Variants in PTPRM observed in about 807,000 individuals in gnomAD.
PTPRM encodes protein tyrosine phosphatase receptor type M, also known as receptor-type tyrosine-protein phosphatase mu.
In PTPRM, 47 loss-of-function variants were observed where a neutral mutation model predicts 186.7. The ratio of observed to expected loss-of-function variants is 0.25; its 90% CI spans 0.20 to 0.32. The LOEUF is 0.32. PTPRM is among the 10% of genes least tolerant of loss of function. The probability of loss-of-function intolerance (pLI) is 1.00; values close to 1 mark genes in which losing one functional copy is unlikely to be tolerated. For synonymous variants in PTPRM, 668 were observed against 674.9 expected (o/e 0.99, Z 0.16); for missense variants, 1,494 against 1,865.0 (o/e 0.80, Z 3.66).
chr18:8,189,513 G>C (rs1044628646), intron 14 of PTPRM, among the ~76,000 whole-genome samples: 34 of 152,134 alleles, frequency 2.2e-4, no homozygotes, highest in African/African-American at 8.0e-4. Flanking sequence ...AGCCTATTTT[G>C]TTTTATCCTC....
intron 7 of PTPRM, among the ~76,000 whole-genome samples, chr18:7,983,472 C>T (rs2082668937): frequency 6.6e-6 from 1 of 152,080 alleles, no homozygotes; most frequent in African/African-American, 2.4e-5. Flanking sequence ...GAGTCTTTGC[C>T]CTGCCCCTGT....
intron 14 of PTPRM, among the ~76,000 whole-genome samples, chr18:8,219,735 T>G (rs546461345): frequency 1.3e-5 from 2 of 152,278 alleles, no homozygotes; most frequent in African/African-American, 4.8e-5. Flanking sequence ...GAACAAAACT[T>G]GGTCTAAAAA....
chr18:7,926,607 T>C lies in PTPRM; in HGVS notation c.587T>C (p.Val196Ala). Residue 196 changes from valine to alanine, a missense_variant, in exon 5 of 33, where the codon GTT becomes GCT. This residue lies in a region of PTPRM where 296 missense variants were observed against 345.5 expected (regional missense o/e 0.86). Transcript: ENST00000580170. ...PHFLRIQNVE[V>A]NAGQFATFQC... Reference sequence around the variant, plus strand: ...TTCCTGCGGATTCAGAATGTGGAAGTTAATGCTGGCCAGTTTGCTACCTTC... The same window carrying C: ...TTCCTGCGGATTCAGAATGTGGAAGCTAATGCTGGCCAGTTTGCTACCTTC... 6.2e-7 allele frequency: 1 copy of C among 1,613,692 alleles called. No homozygotes were observed. Among genetic ancestry groups the C allele is most frequent in the Non-Finnish European group, 8.5e-7 (1 of 1,179,944 alleles).
intron 7 of PTPRM, among the ~76,000 whole-genome samples, chr18:8,065,483 C>G (rs977534949): frequency 2.0e-5 from 3 of 152,154 alleles, no homozygotes; most frequent in Admixed American, 6.5e-5. Flanking sequence ...ACAGCCAGTG[C>G]ACTTCTCCAT....
intron 1 of PTPRM, among the ~76,000 whole-genome samples, chr18:7,576,477 A>AT (rs796372811): frequency 3.6e-4 from 55 of 151,148 alleles, no homozygotes; most frequent in Middle Eastern, 3.4e-3. Flanking sequence ...TGTTTTTTTG[A>AT]TTTTTTTTTC....
chr18:8,339,155 T>C (rs2095458373), intron 22 of PTPRM, among the ~76,000 whole-genome samples: 1 of 152,030 alleles, frequency 6.6e-6, no homozygotes, highest in South Asian at 2.1e-4. Flanking sequence ...TTTCATTGCT[T>C]GTTAAAGGTT....
intron 20 of PTPRM, among the ~76,000 whole-genome samples, chr18:8,301,861 T>A (rs1216228523): frequency 6.6e-6 from 1 of 152,154 alleles, no homozygotes; most frequent in African/African-American, 2.4e-5. Flanking sequence ...TTTTAGACTG[T>A]GGTCAAGAAA....
chr18:8,203,231 A>G (rs892209646), intron 14 of PTPRM, among the ~76,000 whole-genome samples: 2 of 152,196 alleles, frequency 1.3e-5, no homozygotes, highest in Non-Finnish European at 2.9e-5. Flanking sequence ...TGTAACTGGT[A>G]TTGTATACAT....
intron 2 of PTPRM, among the ~76,000 whole-genome samples, chr18:7,812,094 AT>A (rs2044552603): frequency 6.6e-6 from 1 of 151,804 alleles, no homozygotes; most frequent in South Asian, 2.1e-4. Flanking sequence ...AATTAAACAC[AT>A]TTTCAATTTG....
intron 7 of PTPRM, among the ~76,000 whole-genome samples, chr18:7,983,176 C>T (rs755993954): frequency 8.6e-5 from 13 of 152,042 alleles, no homozygotes; most frequent in Non-Finnish European, 1.2e-4. Flanking sequence ...CAGAGGCGGG[C>T]GAGCATCACC....
At chr18:8,097,858 G>A (rs749459911) in intron 11 of PTPRM, among the ~76,000 whole-genome samples, 2 of 152,158 alleles carry the variant, frequency 1.3e-5, no homozygotes. Context: ...CATCACTCAG[G>A]AGCATTAATT....
intron 23 of PTPRM, among the ~76,000 whole-genome samples, chr18:8,358,746 T>C (rs2095578753): frequency 6.6e-6 from 1 of 152,186 alleles, no homozygotes; most frequent in Admixed American, 6.5e-5. Flanking sequence ...TGCCAGACCA[T>C]AGGCTTCTGT....
At chr18:8,392,753 C>T (rs1035072160) in intron 31 of PTPRM, among the ~76,000 whole-genome samples, 3 of 152,066 alleles carry the variant, frequency 2.0e-5, no homozygotes, top group African/African-American at 4.8e-5. Flanking sequence ...AGGCTGGGGA[C>T]TTGTCAGAAA....
chr18:8,184,025 C>A lies in PTPRM; in HGVS notation c.2300+40246C>A, dbSNP rs552514527. Among the ~76,000 whole-genome samples, 14 of 152,314 alleles carry A rather than the reference C, an allele frequency of 9.2e-5. No individual in the cohort carries two copies. The South Asian group carries it at 2.9e-3, about 32-fold the overall frequency. The stretch of plus-strand genomic sequence containing the variant: ...CTCCCAAGATACTGGAATGACCAGG[C>A]AACCACTTTGAACTTGAATTTCCCT... On this transcript the variant is annotated intron_variant, in intron 14 of 32. Transcript: ENST00000580170.
chr18:8,209,865 G>A (rs116354299), intron 14 of PTPRM, among the ~76,000 whole-genome samples: 13,966 of 151,592 alleles, frequency 0.092, 772 homozygotes, highest in Middle Eastern at 0.33. Context: ...ACAAATAACT[G>A]ATACATGTGG....
chr18:7,881,826 G>A (rs963953408), intron 2 of PTPRM, among the ~76,000 whole-genome samples: 3 of 152,120 alleles, frequency 2.0e-5, no homozygotes, highest in African/African-American at 7.2e-5. Flanking sequence ...GAGCCTGGGT[G>A]CAGCCTTTCC....
chr18:8,406,232 A>G lies in PTPRM; in HGVS notation c.*70A>G. 7.0e-7 allele frequency: 1 copy of G among 1,427,012 alleles called. No individual in the cohort carries two copies. The highest frequency in any genetic ancestry group is 9.8e-7 in the Non-Finnish European group (1 of 1,025,628). The allele number at this position is 1,427,012 out of a possible 1,614,324, so 88.4% of individuals were successfully genotyped here. Reference sequence around the variant, plus strand: ...CAAGACGTTCCATGGTATTTGTGCAAAAGAGATGAAGACTTCTCAATATGC... The same window carrying G: ...CAAGACGTTCCATGGTATTTGTGCAGAAGAGATGAAGACTTCTCAATATGC... On this transcript the variant is annotated 3_prime_UTR_variant, in exon 33 of 33. Transcript: ENST00000580170.
chr18:8,080,598 G>C (rs1179602214), intron 9 of PTPRM, among the ~76,000 whole-genome samples: 1 of 152,196 alleles, frequency 6.6e-6, no homozygotes, highest in Non-Finnish European at 1.5e-5. Flanking sequence ...GGACATTCAA[G>C]AGTCTAGAGT....
intron 22 of PTPRM, among the ~76,000 whole-genome samples, chr18:8,336,775 C>T (rs964748310): frequency 2.6e-5 from 4 of 151,706 alleles, no homozygotes; most frequent in Non-Finnish European, 4.4e-5. Flanking sequence ...GTCAGGAGAT[C>T]GAGACGTTGG....
Sources: allele counts gnomAD v4.1 joint callset (sites outside exome capture counted in the v4.1 genomes callset), GRCh38; gene constraint gnomAD v4.1.1; regional missense constraint gnomAD v4.1.1; transcripts MANE v1.5; gene names NCBI Gene and HGNC (gene_info 2026-07-23, HGNC 2026-07-21).